PHF24: variants seen among roughly 807,000 people sequenced by gnomAD.
The protein encoded by PHF24 is PHD finger protein 24, also known as Galpha inhibitory interacting protein.
In PHF24, 25 loss-of-function variants were observed where a neutral mutation model predicts 42.6. That is an observed-to-expected ratio of 0.59 (90% CI 0.43 to 0.82). The LOEUF is 0.82. Among genes scored for constraint, PHF24 ranks in the 40% least tolerant of loss-of-function variants. PHF24 has a pLI of 0.00. For synonymous variants in PHF24, 185 were observed against 204.8 expected, an observed-to-expected ratio of 0.90 and a Z score of 0.83; for missense variants, 470 against 538.1, an observed-to-expected ratio of 0.87 and a Z score of 1.25.
chr9:34,891,274 CA>C, the PHF24 span, among the ~76,000 whole-genome samples: 21 of 152,270 alleles, frequency 1.4e-4, no homozygotes, highest in Admixed American at 1.4e-3. Flanking sequence ...TTTCAGAGGA[CA>C]GGGGCGCCAA....
chr9:34,846,953 A>G, the PHF24 span, among the ~76,000 whole-genome samples: 1 of 151,966 alleles, frequency 6.6e-6, no homozygotes, highest in South Asian at 2.1e-4. Flanking sequence ...TGTTCCATTG[A>G]TCTATATCTC....
the PHF24 span, chr9:34,833,251 G>C: frequency 6.4e-7 from 1 of 1,550,528 alleles, no homozygotes; most frequent in Non-Finnish European, 8.7e-7. Flanking sequence ...GGCTGGGGTT[G>C]TTCACACTGG....
the PHF24 span, among the ~76,000 whole-genome samples, chr9:34,772,350 T>TA: frequency 6.6e-6 from 1 of 152,184 alleles, no homozygotes; most frequent in Non-Finnish European, 1.5e-5. Flanking sequence ...ATTGTGTGTA[T>TA]AAAAATTGAT....
At chr9:34,979,751 G>A (rs1233937749) in exon 8 of PHF24, 1 of 152,088 alleles carries the variant, frequency 6.6e-6, no homozygotes, top group Non-Finnish European at 1.5e-5. Flanking sequence ...CCTCCTGTAG[G>A]AACCACCTTA....
At chr9:34,691,281 G>A in the PHF24 span, 2 of 611,474 alleles carry the variant, frequency 3.3e-6, no homozygotes, top group South Asian at 4.4e-5. Flanking sequence ...GGGAATGTGA[G>A]CCCTGCAGCT....
chr9:34,710,713 A>C, the PHF24 span, among the ~76,000 whole-genome samples: 2 of 151,858 alleles, frequency 1.3e-5, no homozygotes, highest in Non-Finnish European at 2.9e-5. Flanking sequence ...GGCTCAAATG[A>C]TCTGCCTGCC....
the PHF24 span, among the ~76,000 whole-genome samples, chr9:34,924,828 G>T: frequency 6.6e-6 from 1 of 152,088 alleles, no homozygotes; most frequent in African/African-American, 2.4e-5. Flanking sequence ...TTTTCTGGTT[G>T]TTTTGTATAT....
the PHF24 span, among the ~76,000 whole-genome samples, chr9:34,885,600 C>T: frequency 6.6e-6 from 1 of 152,318 alleles, no homozygotes; most frequent in South Asian, 2.1e-4. Flanking sequence ...TCAAGGCAGC[C>T]TCTGTCTTCC....
At chr9:34,917,104 C>G in the PHF24 span, 1 of 760,780 alleles carries the variant, frequency 1.3e-6, no homozygotes, top group Non-Finnish European at 2.4e-6. Flanking sequence ...CCTCTCCTCT[C>G]CTCTCCTCAC....
chr9:34,832,957 A>G, the PHF24 span: 1 of 1,551,692 alleles, frequency 6.4e-7, no homozygotes, highest in Non-Finnish European at 8.7e-7. Flanking sequence ...ACTGAGGGTG[A>G]TGCTGGGGGC....
the PHF24 span, among the ~76,000 whole-genome samples, chr9:34,713,460 C>G: frequency 3.9e-5 from 6 of 152,094 alleles, no homozygotes; most frequent in Non-Finnish European, 7.3e-5. Flanking sequence ...GCATTATGCT[C>G]TCTTCTGAAA....
At chr9:34,893,266 A>ACT in the PHF24 span, 1 of 427,176 alleles carries the variant, frequency 2.3e-6, no homozygotes, top group Non-Finnish European at 4.1e-6. Flanking sequence ...TGGAGCCTAC[A>ACT]CTCTCTTGTT....
chr9:34,712,532 T>C, the PHF24 span, among the ~76,000 whole-genome samples: 1 of 152,200 alleles, frequency 6.6e-6, no homozygotes, highest in Non-Finnish European at 1.5e-5. Context: ...TCTGCTTAAA[T>C]TAGTTGTTGA....
the PHF24 span, among the ~76,000 whole-genome samples, chr9:34,934,715 C>T: frequency 2.0e-5 from 3 of 152,148 alleles, no homozygotes; most frequent in Non-Finnish European, 4.4e-5. Context: ...GGGAACTTTT[C>T]CTTCCTTGGA....
the PHF24 span, chr9:34,836,032 T>C: frequency 1.6e-6 from 1 of 633,176 alleles, no homozygotes; most frequent in Non-Finnish European, 3.0e-6. Flanking sequence ...CACACTTCCC[T>C]CTGGGGGAAG....
the PHF24 span, among the ~76,000 whole-genome samples, chr9:34,863,417 GAGAGA>G: frequency 1.2e-3 from 1 of 860 alleles, no homozygotes; most frequent in Non-Finnish European, 0.031. Flanking sequence ...TGGCTCATCA[GAGAGA>G]GAGAGAGAGA....
chr9:34,786,771 T>G, the PHF24 span, among the ~76,000 whole-genome samples: 1 of 152,216 alleles, frequency 6.6e-6, no homozygotes, highest in African/African-American at 2.4e-5. Context: ...GGTTTCTCAG[T>G]GTACCTAAGA....
At chr9:34,784,548 G>A in the PHF24 span, among the ~76,000 whole-genome samples, 3 of 152,198 alleles carry the variant, frequency 2.0e-5, no homozygotes, top group Non-Finnish European at 2.9e-5. Flanking sequence ...CACATGCATA[G>A]TCTGAAAGTG....
chr9:34,693,065 T>C, the PHF24 span, among the ~76,000 whole-genome samples: 1 of 152,162 alleles, frequency 6.6e-6, no homozygotes, highest in Admixed American at 6.6e-5. Context: ...CTTCCCAAAG[T>C]GTTGGGATTA....
Sources: gnomAD v4.1 joint callset for allele counts (sites outside exome capture counted in the v4.1 genomes callset) on GRCh38, gnomAD v4.1.1 for gene constraint, MANE v1.5 for transcripts, NCBI Gene and HGNC (gene_info 2026-07-23, HGNC 2026-07-21) for gene names.